ATP9A: variants seen among roughly 807,000 people sequenced by gnomAD.
ATP9A encodes the protein probable phospholipid-transporting ATPase IIA.
A neutral mutation model predicts 144.1 loss-of-function variants in ATP9A; 52 were observed. The ratio of observed to expected loss-of-function variants is 0.36; its 90% CI spans 0.29 to 0.45. ATP9A has a LOEUF of 0.45. Ranked by LOEUF, ATP9A falls within the 20% of genes least tolerant of loss-of-function variation. The pLI is 1.00. For synonymous variants in ATP9A, 582 were observed against 557.4 expected, an observed-to-expected ratio of 1.04 and a Z score of -0.62; for missense variants, 947 against 1,392.7, an observed-to-expected ratio of 0.68 and a Z score of 5.09.
rs528761988 is a variant in ATP9A, at chr20:51,622,019, T to C, written c.2115+55A>G. Reference sequence around the variant, plus strand: ...AGGGGCCCACTCAAGGTTAGGAGGTTATAGGACAAATCGAACATCATCCCC... The same window carrying C: ...AGGGGCCCACTCAAGGTTAGGAGGTCATAGGACAAATCGAACATCATCCCC... On this transcript the variant is annotated intron_variant, in intron 19 of 27. Coordinates refer to ENST00000338821, the MANE Select transcript of ATP9A (RefSeq NM_006045.3). The C allele has an allele frequency of 8.6e-6, 13 of 1,509,364 alleles. No individual in the cohort carries two copies. In the South Asian group the frequency reaches 1.1e-4, roughly 13 times the overall value. 93.5% of individuals were successfully genotyped at this position (1,509,364 alleles called of 1,614,324 possible).
At chr20:51,633,088 C>T (rs2077276206) in intron 15 of ATP9A, among the ~76,000 whole-genome samples, 1 of 152,144 alleles carries the variant, frequency 6.6e-6, no homozygotes, top group Non-Finnish European at 1.5e-5. Flanking sequence ...TGCACCACTG[C>T]ACTCCAGCCT....
chr20:51,666,065 T>C (rs909481787), intron 13 of ATP9A, among the ~76,000 whole-genome samples: 1 of 152,144 alleles, frequency 6.6e-6, no homozygotes, highest in African/African-American at 2.4e-5. Flanking sequence ...GTCTGATACA[T>C]GGAGTGAGGG....
Position 51,668,486 on chromosome 20 carries a change from T to C in ATP9A, c.1293+1511A>G, listed in dbSNP as rs144695722. ...AGAGCCATCAGCATCCACAGAGCGATGGAAGCAGGGTGAGGGGCCATCCGG... is the reference window on the plus strand; with the variant it reads ...AGAGCCATCAGCATCCACAGAGCGACGGAAGCAGGGTGAGGGGCCATCCGG... On this transcript the variant is annotated intron_variant, in intron 13 of 27. Coordinates refer to ENST00000338821, the MANE Select transcript of ATP9A (RefSeq NM_006045.3). Among the ~76,000 whole-genome samples the C allele has an allele frequency of 4.4e-3, 676 of 151,922 alleles. 5 individuals carry two copies. The highest frequency in any genetic ancestry group is 0.014 in the African/African-American group (591 of 41,436).
At position 51,709,494 on chromosome 20, in the gene ATP9A, G is replaced by T. The variant is rs534748403; in HGVS notation, c.436+3472C>A. ...CGCGCCATTGCATTCCAGCCTGCGCGAGGGGGTTCGGTGGGGAAGAAAAAA... is the reference window on the plus strand; with the variant it reads ...CGCGCCATTGCATTCCAGCCTGCGCTAGGGGGTTCGGTGGGGAAGAAAAAA... On this transcript the variant is annotated intron_variant, in intron 4 of 27. Transcript: ENST00000338821. 4.6e-5 allele frequency among the ~76,000 whole-genome samples: 7 copies of T among 152,248 alleles called. No homozygotes were observed. The South Asian group carries it at 6.2e-4, about 14-fold the overall frequency.
At chr20:51,758,580 C>T (rs1273799524) in intron 1 of ATP9A, among the ~76,000 whole-genome samples, 2 of 152,326 alleles carry the variant, frequency 1.3e-5, no homozygotes, top group Non-Finnish European at 1.5e-5. Flanking sequence ...CATCTCCTTG[C>T]GGACTGGACT....
At chr20:51,767,526 C>T (rs903797995) in intron 1 of ATP9A, among the ~76,000 whole-genome samples, 1 of 152,170 alleles carries the variant, frequency 6.6e-6, no homozygotes, top group Non-Finnish European at 1.5e-5. Flanking sequence ...AATACCAACC[C>T]GTCCCCTCTT....
intron 18 of ATP9A, among the ~76,000 whole-genome samples, chr20:51,624,094 GGCCTCCAGCGGCCAGACTTCCGGA>G (rs964134998): frequency 6.6e-6 from 1 of 152,216 alleles, no homozygotes; most frequent in Non-Finnish European, 1.5e-5. Flanking sequence ...AGCAGAAATG[GGCCTCCAGCGGCCAGACTTCCGGA>G]AGCAAGGTCC....
intron 1 of ATP9A, chr20:51,734,449 A>C (rs991671485): frequency 2.0e-5 from 3 of 152,246 alleles, no homozygotes; most frequent in Non-Finnish European, 4.4e-5. Flanking sequence ...GGGATAAGCC[A>C]TAAATGAAAT....
intron 4 of ATP9A, among the ~76,000 whole-genome samples, chr20:51,704,002 C>T (rs1489077819): frequency 6.6e-6 from 1 of 152,002 alleles, no homozygotes; most frequent in Non-Finnish European, 1.5e-5. Flanking sequence ...CATTAAAACG[C>T]CTCTGCAGAC....
At chr20:51,627,516 C>T (rs751643340) in intron 17 of ATP9A, 84 bp downstream of exon 17, 63 of 1,255,140 alleles carry the variant, frequency 5.0e-5, no homozygotes, top group Admixed American at 1.2e-4. Flanking sequence ...CAGAATGGCT[C>T]GCATAGGATG....
chr20:51,763,426 C>T (rs1468913888), intron 1 of ATP9A, among the ~76,000 whole-genome samples: 3 of 151,688 alleles, frequency 2.0e-5, no homozygotes, highest in Non-Finnish European at 4.4e-5. Flanking sequence ...CATTCTCCTG[C>T]CTCAGCCTCC....
intron 1 of ATP9A, among the ~76,000 whole-genome samples, chr20:51,757,229 G>A (rs980819215): frequency 1.3e-5 from 2 of 152,122 alleles, no homozygotes; most frequent in Non-Finnish European, 2.9e-5. Context: ...TGTTGGCCAG[G>A]TTGGTCTTGA....
chr20:51,669,219 C>A (rs1225387482), intron 13 of ATP9A, among the ~76,000 whole-genome samples: 1 of 152,116 alleles, frequency 6.6e-6, no homozygotes, highest in Non-Finnish European at 1.5e-5. Flanking sequence ...GGGTATCAAG[C>A]CCAAATAAAT....
chr20:51,637,671 T>C (rs1306094198), intron 15 of ATP9A, among the ~76,000 whole-genome samples: 1 of 150,370 alleles, frequency 6.7e-6, no homozygotes, highest in African/African-American at 2.4e-5. Flanking sequence ...ACCTATGTTA[T>C]CAATTTCTAC....
chr20:51,719,763 C>T (rs1184194213), intron 3 of ATP9A, among the ~76,000 whole-genome samples: 2 of 128,710 alleles, frequency 1.6e-5, no homozygotes, highest in African/African-American at 5.7e-5. Flanking sequence ...GAAGAAGAAA[C>T]GGGCTGGGCA....
chr20:51,622,217 G>T (rs1464519849), intron 18 of ATP9A, 45 bp from the exon 19 acceptor site: 1 of 1,534,834 alleles, frequency 6.5e-7, no homozygotes, highest in African/African-American at 1.4e-5. Context: ...AGTTTTTGAG[G>T]CCGGCCTGTC....
chr20:51,747,803 C>T (rs1315022789), intron 1 of ATP9A, among the ~76,000 whole-genome samples: 1 of 152,162 alleles, frequency 6.6e-6, no homozygotes, highest in Non-Finnish European at 1.5e-5. Context: ...CTACAGCTAT[C>T]AGACTCAAGT....
intron 18 of ATP9A, among the ~76,000 whole-genome samples, chr20:51,623,711 C>A (rs2077235846): frequency 6.6e-6 from 1 of 150,486 alleles, no homozygotes; most frequent in African/African-American, 2.5e-5. Context: ...TCTCTTGAAC[C>A]CAGGAAGTGG....
Position 51,625,324 on chromosome 20 carries a change from G to A in ATP9A, c.1884C>T (p.Arg628=). Residue 628 remains arginine, a synonymous_variant, in exon 18 of 28, where the codon CGC becomes CGT. Transcript: ENST00000338821. ...YVQAKLSVHD[R]SLKVATVIES... ...CGATCACCGTGGCCACTTTGAGGGAGCGGTCGTGCACACTCAGCTTGGCCT... is the reference window on the plus strand; with the variant it reads ...CGATCACCGTGGCCACTTTGAGGGAACGGTCGTGCACACTCAGCTTGGCCT... The A allele has an allele frequency of 1.9e-6, 3 of 1,614,212 alleles. No individual in the cohort carries two copies. The South Asian group carries it at 3.3e-5, about 18-fold the overall frequency.
Sources: allele counts gnomAD v4.1 joint callset (sites outside exome capture counted in the v4.1 genomes callset), GRCh38; gene constraint gnomAD v4.1.1; transcripts MANE v1.5; gene names NCBI Gene and HGNC (gene_info 2026-07-23, HGNC 2026-07-21).